The following DOCK5 variants were observed in gnomAD, a reference collection of about 807,000 sequenced individuals.
The protein encoded by DOCK5 is dedicator of cytokinesis 5.
Under a neutral mutation model 251.8 loss-of-function variants are expected in DOCK5, and 142 were observed. That is an observed-to-expected ratio of 0.56 (90% CI 0.49 to 0.65). The LOEUF (loss-of-function observed/expected upper bound fraction) is 0.65. Among genes scored for constraint, DOCK5 ranks in the 30% least tolerant of loss-of-function variants. The pLI, the probability that DOCK5 is intolerant of heterozygous loss-of-function variation, is 0.00. For missense variants in DOCK5, 2,111 were observed against 2,312.3 expected (o/e 0.91, Z 1.79); for synonymous variants, 842 against 835.5 (o/e 1.01, Z -0.13).
At chr8:25,250,476 G>A (rs138378169) in intron 2 of DOCK5, among the ~76,000 whole-genome samples, 191 of 152,276 alleles carry the variant, frequency 1.3e-3, no homozygotes, top group African/African-American at 4.5e-3. Flanking sequence ...ATTTGGCAGC[G>A]AGGTAGCTGT....
chr8:25,354,044 AAAAACAAAC>A (rs546474741), intron 27 of DOCK5, among the ~76,000 whole-genome samples: 55,520 of 87,684 alleles, frequency 0.63, 20,576 homozygotes, highest in Non-Finnish European at 0.76. Context: ...AAAAAAAAAA[AAAAACAAAC>A]AAAAAAAAAA....
At chr8:25,345,353 CT>C (rs753414762) in intron 25 of DOCK5, 121 bp from the exon 26 acceptor site, 4 of 1,431,094 alleles carry the variant, frequency 2.8e-6, no homozygotes, top group Non-Finnish European at 3.8e-6. Flanking sequence ...GGCTGCATCC[CT>C]GCAGGGCTGA....
rs1308366538 is a variant in DOCK5 at position 25,400,855 on chromosome 8, TC to T, written c.4789-71del. 8 of 1,533,320 alleles carry T rather than the reference TC, an allele frequency of 5.2e-6. No individual in the cohort carries two copies. In the African/African-American group the frequency reaches 1.1e-4, roughly 21 times the overall value. The allele number at this position is 1,533,320 out of a possible 1,614,324, so 95.0% of individuals were successfully genotyped here. On this transcript the variant is annotated intron_variant, in intron 46 of 51. Transcript: ENST00000276440. ...GCAGTTTACCTTTCCACCCCATCCC[TC>T]CCTTCCCCAACCAAATCAAAACGAT...
intron 26 of DOCK5, 93 bp from the exon 27 acceptor site, chr8:25,351,636 AAG>A (rs1800470186): frequency 1.1e-6 from 1 of 912,536 alleles, no homozygotes; most frequent in Admixed American, 2.5e-5. Flanking sequence ...AAAAGCCAAA[AAG>A]AGATCTAAAG....
chr8:25,345,694 T>A (rs987263609), intron 26 of DOCK5, 83 bp downstream of exon 26: 38 of 1,555,746 alleles, frequency 2.4e-5, no homozygotes, highest in Admixed American at 5.2e-5. Context: ...GGCCTTCCTA[T>A]TCTCAGGTAG....
Position 25,321,039 on chromosome 8 carries a change from G to T in DOCK5, c.1602G>T (p.Arg534Ser), listed in dbSNP as rs1230542771. 2 of 1,613,316 alleles carry T rather than the reference G, an allele frequency of 1.2e-6. No homozygotes were observed. The highest frequency in any genetic ancestry group is 1.1e-5 in the South Asian group (1 of 90,998). The change falls in exon 16 of 52, where the codon AGG becomes AGT. Residue 534 changes from arginine (R) to serine (S), a missense_variant. Arg to Ser is a moderately radical substitution (Grantham distance 110, BLOSUM62 -1). Coordinates refer to ENST00000276440, the MANE Select transcript of DOCK5 (RefSeq NM_024940.8). ...ATATAAGATTTACCTTCCGACACAG[G>T]TCATCTCAGGAAAGTAAGTATTAAG... ...RCHIRFTFRH[R>S]SSQETRDKSE...
Position 25,345,253 on chromosome 8 carries a change from CAT to C in DOCK5, c.2618-221_2618-220del, listed in dbSNP as rs1491255873. On this transcript the variant is annotated intron_variant, in intron 25 of 51. Coordinates refer to ENST00000276440, the MANE Select transcript of DOCK5 (RefSeq NM_024940.8). ...TCCCACCTTCACCTGTGAGAAGGGT[CAT>C]TTTTTTTTTTTTTAATTCATTCATC... 357 of 377,366 alleles carry C rather than the reference CAT, an allele frequency of 9.5e-4. 1 individual carries two copies. The highest frequency in any genetic ancestry group is 6.9e-3 in the African/African-American group (287 of 41,674). 23.4% of individuals were successfully genotyped at this position (377,366 alleles called of 1,614,324 possible).
intron 1 of DOCK5, among the ~76,000 whole-genome samples, chr8:25,220,908 A>G (rs927283951): frequency 2.0e-5 from 3 of 151,878 alleles, no homozygotes; most frequent in Non-Finnish European, 4.4e-5. Context: ...CTGGCCTCTC[A>G]TTCAGTTTTT....
chr8:25,245,684 CAT>C (rs1230403653), intron 2 of DOCK5, among the ~76,000 whole-genome samples: 1 of 151,958 alleles, frequency 6.6e-6, no homozygotes, highest in Non-Finnish European at 1.5e-5. Context: ...AGATTACAGG[CAT>C]ATGTCATCAC....
chr8:25,396,678 T>C (rs1801350642), intron 45 of DOCK5, among the ~76,000 whole-genome samples: 1 of 152,054 alleles, frequency 6.6e-6, no homozygotes, highest in South Asian at 2.1e-4. Flanking sequence ...AGGACGCCCC[T>C]GTGGAGCCGC....
chr8:25,392,776 G>A lies in DOCK5; in HGVS notation c.4441-20G>A, dbSNP rs1393550495. ...TCCTGGGAATTGACCAACATTTCAT[G>A]TTTTCCTTCTTGCCACCAGACGATG... On this transcript the variant is annotated intron_variant, in intron 43 of 51. Transcript: ENST00000276440. 1 of 1,604,162 alleles carries A rather than the reference G, an allele frequency of 6.2e-7. No homozygotes were observed. The highest frequency in any genetic ancestry group is 1.7e-5 in the Admixed American group (1 of 59,380).
At chr8:25,355,783 C>A (rs2465004) in intron 27 of DOCK5, among the ~76,000 whole-genome samples, 105,130 of 152,080 alleles carry the variant, frequency 0.69, 38,134 homozygotes, top group Admixed American at 0.81. Context: ...ATATTTAATG[C>A]CTGTTCTTTA....
At chr8:25,378,928 C>T (rs1226921466) in intron 38 of DOCK5, among the ~76,000 whole-genome samples, 2 of 152,154 alleles carry the variant, frequency 1.3e-5, no homozygotes, top group African/African-American at 4.8e-5. Flanking sequence ...CATCACATAT[C>T]GGTAGGACCG....
chr8:25,332,249 A>G lies in DOCK5; in HGVS notation c.1904-2A>G. 2 of 1,612,512 alleles carry G rather than the reference A, an allele frequency of 1.2e-6. No individual in the cohort carries two copies. Among genetic ancestry groups the G allele is most frequent in the Non-Finnish European group, 1.7e-6 (2 of 1,178,718 alleles). Reference sequence around the variant, plus strand: ...TCTAATGTTTGTGGTTGTTCTTCCTAGTTGACCTGTTAGGCTTGTTAAATT... The same window carrying G: ...TCTAATGTTTGTGGTTGTTCTTCCTGGTTGACCTGTTAGGCTTGTTAAATT... On this transcript the variant is annotated splice_acceptor_variant, in intron 18 of 51. Coordinates refer to ENST00000276440, the MANE Select transcript of DOCK5 (RefSeq NM_024940.8). LOFTEE classifies it high-confidence loss of function.
At position 25,246,704 on chromosome 8, in the gene DOCK5, T is replaced by TCGTGTGTGTGTG. The variant is rs1414412892; in HGVS notation, c.127+2947_127+2948insCGTGTGTGTGTG. Among the ~76,000 whole-genome samples, 42 of 89,606 alleles carry TCGTGTGTGTGTG rather than the reference T, an allele frequency of 4.7e-4. 3 individuals are homozygous for TCGTGTGTGTGTG. The highest frequency in any genetic ancestry group is 1.6e-3 in the African/African-American group (40 of 25,262). The allele number at this position is 89,606 out of a possible 152,430, so 58.8% of individuals were successfully genotyped here. A position where few individuals can be genotyped will look rare whatever the true frequency, so the allele number is the denominator to read the frequency against. On this transcript the variant is annotated intron_variant, in intron 2 of 51. Coordinates refer to ENST00000276440, the MANE Select transcript of DOCK5 (RefSeq NM_024940.8). Reference sequence around the variant, plus strand: ...GGTAATTCTTCACTGCCATGTTAGTTTGTGTGTGTGTGTGTGTGTGTGTGT... The same window carrying TCGTGTGTGTGTG: ...GGTAATTCTTCACTGCCATGTTAGTTCGTGTGTGTGTGTGTGTGTGTGTGTGTGTGTGTGTGT...
rs752560073 is a variant in DOCK5 at position 25,351,725 on chromosome 8, C to T, written c.2755-6C>T. Reference sequence around the variant, plus strand: ...GGAATGGAGTCAAATCCTGTGTTCCCTGCAGGGTGCCACTGCGGTGCACAT... The same window carrying T: ...GGAATGGAGTCAAATCCTGTGTTCCTTGCAGGGTGCCACTGCGGTGCACAT... On this transcript the variant is annotated splice_polypyrimidine_tract_variant and splice_region_variant and intron_variant, in intron 26 of 51. Coordinates refer to ENST00000276440, the MANE Select transcript of DOCK5 (RefSeq NM_024940.8). 1.9e-6 allele frequency: 3 copies of T among 1,612,068 alleles called. No individual in the cohort carries two copies. The highest frequency in any genetic ancestry group is 2.5e-6 in the Non-Finnish European group (3 of 1,178,788).
chr8:25,282,056 C>T (rs1249431797), intron 5 of DOCK5, among the ~76,000 whole-genome samples: 1 of 152,090 alleles, frequency 6.6e-6, no homozygotes, highest in Non-Finnish European at 1.5e-5. Flanking sequence ...CTCAGTCAGT[C>T]GATAGGACTG....
rs1803165665 is a variant in DOCK5 at position 25,248,123 on chromosome 8, G to A, written c.127+4366G>A. ...CCAAGGGGCAGGTCAGCTTGACAGA[G>A]AGATTACTATATTGGATTATATTTT... On this transcript the variant is annotated intron_variant, in intron 2 of 51. Transcript: ENST00000276440. Among the ~76,000 whole-genome samples, 2 of 152,182 alleles carry A rather than the reference G, an allele frequency of 1.3e-5. 1 individual carries two copies. The highest frequency in any genetic ancestry group is 4.8e-5 in the African/African-American group (2 of 41,450).
chr8:25,278,901 A>G (rs1804114593), intron 5 of DOCK5, among the ~76,000 whole-genome samples: 1 of 152,206 alleles, frequency 6.6e-6, no homozygotes, highest in Non-Finnish European at 1.5e-5. Context: ...AATGATAAAC[A>G]TGCTGATTGT....
Sources: allele counts gnomAD v4.1 joint callset (sites outside exome capture counted in the v4.1 genomes callset), GRCh38; gene constraint gnomAD v4.1.1; transcripts MANE v1.5; gene names NCBI Gene and HGNC (gene_info 2026-07-23, HGNC 2026-07-21).